GRM1: variants seen among roughly 807,000 people sequenced by gnomAD.
GRM1 encodes the protein metabotropic glutamate receptor 1.
A neutral mutation model predicts 90.9 loss-of-function variants in GRM1; 33 were observed. The observed-to-expected ratio is 0.36, with a 90% CI of 0.28 to 0.49. The LOEUF (loss-of-function observed/expected upper bound fraction) is 0.49. Among genes scored for constraint, GRM1 ranks in the 20% least tolerant of loss-of-function variants. GRM1 has a pLI of 0.99. For missense variants in GRM1, 1,190 were observed against 1,534.3 expected (o/e 0.78, Z 3.75); for synonymous variants, 700 against 613.2 (o/e 1.14, Z -2.09).
intron 5 of GRM1, among the ~76,000 whole-genome samples, chr6:146,374,229 C>G (rs143905533): frequency 9.1e-4 from 139 of 152,172 alleles, no homozygotes; most frequent in African/African-American, 3.1e-3. Flanking sequence ...TCTTGTTCAT[C>G]ATGAATGATC....
intron 5 of GRM1, among the ~76,000 whole-genome samples, chr6:146,384,177 T>G (rs1776416171): frequency 6.6e-6 from 1 of 152,036 alleles, no homozygotes; most frequent in South Asian, 2.1e-4. Flanking sequence ...GATGGATCTA[T>G]GCAAAAAAGG....
At chr6:146,099,875 G>A (rs934417482) in intron 1 of GRM1, among the ~76,000 whole-genome samples, 3 of 152,066 alleles carry the variant, frequency 2.0e-5, no homozygotes, top group African/African-American at 7.3e-5. Flanking sequence ...ATTTCTCTAA[G>A]GTATATACTT....
At chr6:146,239,474 A>G (rs927736389) in intron 2 of GRM1, among the ~76,000 whole-genome samples, 5 of 152,100 alleles carry the variant, frequency 3.3e-5, no homozygotes, top group African/African-American at 1.2e-4. Context: ...GCGGGCAAGT[A>G]TTGTGTTCTA....
chr6:146,248,768 G>A (rs921107051), intron 2 of GRM1, among the ~76,000 whole-genome samples: 3 of 152,192 alleles, frequency 2.0e-5, no homozygotes, highest in African/African-American at 7.2e-5. Flanking sequence ...AAGAAGATGT[G>A]AGAAAGTTTG....
chr6:146,203,261 T>G (rs1162824532), intron 2 of GRM1, among the ~76,000 whole-genome samples: 1 of 151,020 alleles, frequency 6.6e-6, no homozygotes, highest in Non-Finnish European at 1.5e-5. Flanking sequence ...ATGTTAGTGG[T>G]TTAATGCAGA....
chr6:146,120,952 A>C (rs1422040493), intron 1 of GRM1, among the ~76,000 whole-genome samples: 1 of 152,208 alleles, frequency 6.6e-6, no homozygotes, highest in Non-Finnish European at 1.5e-5. Flanking sequence ...CTGGCCTCAT[A>C]AAATGAGTTA....
chr6:146,130,597 T>A (rs1189585328), intron 1 of GRM1, among the ~76,000 whole-genome samples: 1 of 152,168 alleles, frequency 6.6e-6, no homozygotes, highest in Non-Finnish European at 1.5e-5. Flanking sequence ...TTTACTATAT[T>A]TTATTAATAA....
At chr6:146,404,525 G>A (rs995854836) in intron 7 of GRM1, among the ~76,000 whole-genome samples, 3 of 152,140 alleles carry the variant, frequency 2.0e-5, no homozygotes, top group African/African-American at 7.2e-5. Context: ...AAAGATCTTC[G>A]AGTAAAAGTA....
chr6:146,221,302 C>T (rs1389330352), intron 2 of GRM1, among the ~76,000 whole-genome samples: 10 of 152,010 alleles, frequency 6.6e-5, no homozygotes, highest in Non-Finnish European at 5.9e-5. Flanking sequence ...CCAACCAATC[C>T]GTCACCTACA....
intron 7 of GRM1, among the ~76,000 whole-genome samples, chr6:146,411,214 GAA>G (rs1777555272): frequency 6.6e-6 from 1 of 152,132 alleles, no homozygotes; most frequent in African/African-American, 2.4e-5. Context: ...AAGAATGCTG[GAA>G]ATATTTCCAG....
chr6:146,163,761 A>G (rs1489636176), intron 2 of GRM1, among the ~76,000 whole-genome samples: 1 of 152,202 alleles, frequency 6.6e-6, no homozygotes, highest in Non-Finnish European at 1.5e-5. Context: ...CTTTGGGAAA[A>G]TCAGCTAAAG....
At chr6:146,396,089 T>TATCTATCTA (rs147168172) in intron 6 of GRM1, among the ~76,000 whole-genome samples, 11 of 149,300 alleles carry the variant, frequency 7.4e-5, no homozygotes, top group African/African-American at 2.5e-4. Flanking sequence ...TCTATCTATC[T>TATCTATCTA]ATCTATCTAT....
chr6:146,426,488 T>C (rs1778215295), intron 7 of GRM1: 1 of 1,415,626 alleles, frequency 7.1e-7, no homozygotes. Flanking sequence ...GCCTGAGTGG[T>C]GGACTTGCCA....
At chr6:146,277,057 G>A (rs1355296405) in intron 2 of GRM1, among the ~76,000 whole-genome samples, 1 of 152,140 alleles carries the variant, frequency 6.6e-6, no homozygotes, top group Non-Finnish European at 1.5e-5. Context: ...AGCCATGATT[G>A]CACCCCTGCA....
At chr6:146,055,507 C>T (rs1775453130) in intron 1 of GRM1, among the ~76,000 whole-genome samples, 1 of 151,944 alleles carries the variant, frequency 6.6e-6, no homozygotes, top group Non-Finnish European at 1.5e-5. Flanking sequence ...CCTAACATGT[C>T]GTGTTAACTT....
intron 6 of GRM1, among the ~76,000 whole-genome samples, chr6:146,396,331 C>T (rs1042105757): frequency 1.2e-4 from 19 of 152,034 alleles, no homozygotes; most frequent in Admixed American, 6.6e-4. Context: ...CCAAAGCAAA[C>T]GGAGTGTAGG....
At chr6:146,300,349 C>A (rs1455319256) in intron 2 of GRM1, among the ~76,000 whole-genome samples, 7 of 152,160 alleles carry the variant, frequency 4.6e-5, no homozygotes, top group Admixed American at 2.6e-4. Context: ...AACATTCATA[C>A]AGCCCCTGTC....
intron 2 of GRM1, among the ~76,000 whole-genome samples, chr6:146,164,962 G>A (rs1473287943): frequency 6.6e-6 from 1 of 150,564 alleles, no homozygotes; most frequent in East Asian, 2.0e-4. Flanking sequence ...CATTTCAATT[G>A]CTTGTCCCTT....
chr6:146,338,838 A>G (rs1217907789), intron 3 of GRM1, among the ~76,000 whole-genome samples: 1 of 152,036 alleles, frequency 6.6e-6, no homozygotes, highest in Non-Finnish European at 1.5e-5. Context: ...CTCTGTTTGC[A>G]CCACTATCAA....
Sources: allele counts gnomAD v4.1 joint callset (sites outside exome capture counted in the v4.1 genomes callset), GRCh38; gene constraint gnomAD v4.1.1; transcripts MANE v1.5; gene names NCBI Gene and HGNC (gene_info 2026-07-23, HGNC 2026-07-21).